Variants in ZNF737 observed in about 807,000 individuals in gnomAD.
ZNF737 encodes zinc finger protein 737, also known as zinc finger protein 102 (Y3).
A neutral mutation model predicts 11.7 loss-of-function variants in ZNF737; 13 were observed. The observed-to-expected ratio is 1.11, with a 90% CI of 0.73 to 1.77. The LOEUF (loss-of-function observed/expected upper bound fraction) is 1.77, where lower values mean the gene tolerates loss of function less well. Among genes scored for constraint, ZNF737 ranks in the 40% most tolerant of loss-of-function variants. The probability of loss-of-function intolerance (pLI) is 0.00; values close to 1 mark genes in which losing one functional copy is unlikely to be tolerated. For missense variants in ZNF737, 636 were observed against 638.0 expected, an observed-to-expected ratio of 1.00 and a Z score of 0.03; for synonymous variants, 217 against 216.2, an observed-to-expected ratio of 1.00 and a Z score of -0.03.
At chr19:20,536,192 AAATAAAGATTAATTTTGTTGAT>A (rs1967958591), downstream of ZNF737, 5 of 701,534 alleles carry the variant, frequency 7.1e-6, no homozygotes, top group Non-Finnish European at 8.8e-6. Flanking sequence ...CCTTCTAGTA[AAATAAAGATTAATTTTGTTGAT>A]TTCTATTGAG....
Position 20,542,234 on chromosome 19 carries a change from T to C in ZNF737, c.*2358A>G. The C allele has an allele frequency of 2.3e-6, 1 of 443,814 alleles. No homozygotes were observed. Among genetic ancestry groups the C allele is most frequent in the Non-Finnish European group, 2.8e-6 (1 of 358,208 alleles). The allele number at this position is 443,814 out of a possible 1,614,324, so 27.5% of individuals were successfully genotyped here. ...TAAGTTCACAAATAATCTAACAAACTTTTTTTTTTTTGAGACAGAGTTTTG... is the reference window on the plus strand; with the variant it reads ...TAAGTTCACAAATAATCTAACAAACCTTTTTTTTTTTGAGACAGAGTTTTG... On this transcript the variant is annotated 3_prime_UTR_variant, in exon 4 of 4. Transcript: ENST00000427401.
intron 3 of ZNF737, among the ~76,000 whole-genome samples, chr19:20,548,305 C>A (rs1968531063): frequency 6.6e-6 from 1 of 152,120 alleles, no homozygotes; most frequent in African/African-American, 2.4e-5. Flanking sequence ...GTAACATATA[C>A]ATATGATGAA....
downstream of ZNF737, among the ~76,000 whole-genome samples, chr19:20,532,266 C>A (rs1212238405): frequency 1.3e-5 from 2 of 150,096 alleles, no homozygotes; most frequent in Non-Finnish European, 3.0e-5. Context: ...ATCACCTGGG[C>A]TGTGCAAACT....
rs1395173205 is a variant in ZNF737, at chr19:20,540,066, C to G, written c.*4526G>C. 10 of 984,798 alleles carry G rather than the reference C, an allele frequency of 1.0e-5. No individual in the cohort carries two copies. Among genetic ancestry groups the G allele is most frequent in the Non-Finnish European group, 1.2e-5 (10 of 829,774 alleles). 61.0% of individuals were successfully genotyped at this position (984,798 alleles called of 1,614,324 possible). On this transcript the variant is annotated 3_prime_UTR_variant, in exon 4 of 4. Coordinates refer to ENST00000427401, the MANE Select transcript of ZNF737 (RefSeq NM_001159293.2). ...ATGAATGAGATTCCCTTTTTTTTCC[C>G]TCTGCCATAGAATCCTCTTATGTTC... is the stretch of plus-strand genomic sequence containing the variant.
At chr19:20,536,068 C>T (rs1031675365), downstream of ZNF737, 9 of 984,456 alleles carry the variant, frequency 9.1e-6, no homozygotes, top group Non-Finnish European at 1.1e-5. Context: ...CGCTTCACTT[C>T]CATTCACTAT....
intron 1 of ZNF737, among the ~76,000 whole-genome samples, chr19:20,560,907 C>T (rs1428354650): frequency 1.5e-4 from 23 of 152,142 alleles, no homozygotes; most frequent in African/African-American, 4.3e-4. Context: ...ACAGACGCTG[C>T]GGCCTAGTTG....
In ZNF737 at chr19:20,542,723, T is replaced by C; in HGVS notation, c.*1869A>G. The C allele has an allele frequency of 2.0e-6, 2 of 984,562 alleles. No individual in the cohort carries two copies. Among genetic ancestry groups the C allele is most frequent in the Non-Finnish European group, 2.4e-6 (2 of 829,174 alleles). 61.0% of individuals were successfully genotyped at this position (984,562 alleles called of 1,614,324 possible). On this transcript the variant is annotated 3_prime_UTR_variant, in exon 4 of 4. Coordinates refer to ENST00000427401, the MANE Select transcript of ZNF737 (RefSeq NM_001159293.2). ...AGCTTCTCCACTTGTATTTTCATTA[T>C]GCGTCTTACATTTTAATGTTCTTAC... is the stretch of plus-strand genomic sequence containing the variant.
chr19:20,544,908 T>A lies in ZNF737; in HGVS notation c.1295A>T (p.Lys432Met). Residue 432 changes from lysine to methionine, a missense_variant, in exon 4 of 4, where the codon AAG becomes ATG. Lys to Met is a moderately conservative substitution (Grantham distance 95). Transcript: ENST00000427401. ...QQPFKCEECG[K>M]AFKCFSILTT... The stretch of plus-strand genomic sequence containing the variant: ...AAGGATAGAGAAGCACTTAAAGGCC[T>A]TGCCACATTCTTCACACTTGAAGGG... 6.2e-7 allele frequency: 1 copy of A among 1,612,854 alleles called. No individual in the cohort carries two copies. The highest frequency in any genetic ancestry group is 8.5e-7 in the Non-Finnish European group (1 of 1,179,532).
intron 3 of ZNF737, among the ~76,000 whole-genome samples, chr19:20,547,607 G>A (rs1324609508): frequency 6.6e-6 from 1 of 152,040 alleles, no homozygotes; most frequent in Non-Finnish European, 1.5e-5. Context: ...TTATTTCCTT[G>A]AATGACACAA....
chr19:20,539,388 CA>C lies in ZNF737; in HGVS notation c.*5203del, dbSNP rs1208788755. ...ATACTTTAGCCAGGATTTCAGATTT[CA>C]AAAGGTCAAAAACAATCATTGAGCA... On this transcript the variant is annotated 3_prime_UTR_variant, in exon 4 of 4. Transcript: ENST00000427401. 3.0e-6 allele frequency: 3 copies of C among 985,130 alleles called. No individual in the cohort carries two copies. Among genetic ancestry groups the C allele is most frequent in the Admixed American group, 1.2e-4 (2 of 16,250 alleles). The allele number at this position is 985,130 out of a possible 1,614,324, so 61.0% of individuals were successfully genotyped here. A position where few individuals can be genotyped will look rare whatever the true frequency, so the allele number is the denominator to read the frequency against.
chr19:20,535,112 T>A (rs1457346744), downstream of ZNF737, among the ~76,000 whole-genome samples: 1 of 133,674 alleles, frequency 7.5e-6, no homozygotes, highest in Non-Finnish European at 1.6e-5. Context: ...AGCCTGCCTC[T>A]ACTAAAAATA....
intron 3 of ZNF737, among the ~76,000 whole-genome samples, chr19:20,550,868 C>A (rs192651829): frequency 1.3e-5 from 2 of 152,256 alleles, no homozygotes; most frequent in Admixed American, 1.3e-4. Context: ...ACTACAGTAC[C>A]CCTGTTCATG....
At chr19:20,561,010 C>T (rs1387942786) in intron 1 of ZNF737, among the ~76,000 whole-genome samples, 1 of 152,030 alleles carries the variant, frequency 6.6e-6, no homozygotes, top group Admixed American at 6.6e-5. Flanking sequence ...GCACGCAAAA[C>T]CCCCATGCAC....
At chr19:20,548,002 C>T (rs1568429289) in intron 3 of ZNF737, among the ~76,000 whole-genome samples, 1 of 151,966 alleles carries the variant, frequency 6.6e-6, no homozygotes, top group Non-Finnish European at 1.5e-5. Context: ...ATTAGCTTGG[C>T]GATGTGACGT....
Position 20,553,819 on chromosome 19 carries a change from C to G in ZNF737, c.20G>C (p.Arg7Thr), listed in dbSNP as rs1465157987. MGPLQF[R>T]DVAIEFSLEE... ...CAGAGAGAATTCTATGGCCACGTCT[C>G]TAAATTGCAATGGCCCCTGAAACAC... Residue 7 changes from arginine to threonine, a missense_variant, in exon 2 of 4, where the codon AGA becomes ACA. Physicochemically the swap from Arg to Thr is moderately conservative, Grantham distance 71. Transcript: ENST00000427401. 6.2e-7 allele frequency: 1 copy of G among 1,613,626 alleles called. No individual in the cohort carries two copies. Among genetic ancestry groups the G allele is most frequent in the African/African-American group, 1.3e-5 (1 of 75,006 alleles).
At chr19:20,530,775 C>G in the ZNF737 span, among the ~76,000 whole-genome samples, 1 of 147,266 alleles carries the variant, frequency 6.8e-6, no homozygotes, top group Non-Finnish European at 1.5e-5. Context: ...CTCCTCACAT[C>G]CCAGATGATG....
chr19:20,533,087 G>A (rs782557455), downstream of ZNF737, among the ~76,000 whole-genome samples: 5 of 149,916 alleles, frequency 3.3e-5, no homozygotes, highest in Non-Finnish European at 5.9e-5. Flanking sequence ...GTTCATCTCT[G>A]ACCCTACATA....
chr19:20,560,172 C>CA (rs71172600), intron 1 of ZNF737, among the ~76,000 whole-genome samples: 6,753 of 70,534 alleles, frequency 0.096, 312 homozygotes, highest in Non-Finnish European at 0.13. Flanking sequence ...GACTCCGTCT[C>CA]AAAAAAAAAA....
chr19:20,536,842 T>C (rs887298182), downstream of ZNF737, among the ~76,000 whole-genome samples: 3 of 149,776 alleles, frequency 2.0e-5, no homozygotes, highest in Non-Finnish European at 4.4e-5. Flanking sequence ...ACGCAGGAGG[T>C]TGAGGCAGGA....
Sources: allele counts gnomAD v4.1 joint callset (sites outside exome capture counted in the v4.1 genomes callset), GRCh38; gene constraint gnomAD v4.1.1; transcripts MANE v1.5; gene names NCBI Gene and HGNC (gene_info 2026-07-23, HGNC 2026-07-21).